PIP5K1A: variants seen among roughly 807,000 people sequenced by gnomAD.
The protein encoded by PIP5K1A is phosphatidylinositol 4-phosphate 5-kinase type-1 alpha.
Under a neutral mutation model 72.9 loss-of-function variants are expected in PIP5K1A, and 46 were observed. That is an observed-to-expected ratio of 0.63 (90% CI 0.50 to 0.81). The LOEUF (loss-of-function observed/expected upper bound fraction) is 0.81, where lower values mean the gene tolerates loss of function less well. Ranked by LOEUF, PIP5K1A falls within the 30% of genes least tolerant of loss-of-function variation. PIP5K1A has a pLI of 0.00. For synonymous variants in PIP5K1A, 228 were observed against 255.1 expected (o/e 0.89, Z 1.01); for missense variants, 458 against 706.1 (o/e 0.65, Z 3.98).
intron 1 of PIP5K1A, among the ~76,000 whole-genome samples, chr1:151,209,596 TA>T (rs1447381541): frequency 1.3e-5 from 2 of 152,120 alleles, no homozygotes; most frequent in Non-Finnish European, 2.9e-5. Context: ...TGCGCCACCA[TA>T]CCTGGCTAAT....
chr1:151,196,679 G>T (rs1684577776), upstream of PIP5K1A, among the ~76,000 whole-genome samples: 1 of 137,540 alleles, frequency 7.3e-6, no homozygotes, highest in Non-Finnish European at 1.6e-5. Context: ...CTCAGCCTCC[G>T]GCGTAGCGAG....
intron 1 of PIP5K1A, among the ~76,000 whole-genome samples, chr1:151,216,789 A>T (rs587694403): frequency 9.2e-5 from 14 of 152,284 alleles, no homozygotes; most frequent in Middle Eastern, 3.4e-3. Context: ...TTGAATTCTC[A>T]TAACAACCTT....
intron 4 of PIP5K1A, among the ~76,000 whole-genome samples, chr1:151,231,359 T>C (rs745493341): frequency 4.6e-5 from 7 of 152,176 alleles, no homozygotes; most frequent in Non-Finnish European, 1.0e-4. Context: ...ACAATGTATC[T>C]TCCAAATACA....
At chr1:151,212,979 C>T (rs184131008) in intron 1 of PIP5K1A, among the ~76,000 whole-genome samples, 2 of 149,922 alleles carry the variant, frequency 1.3e-5, no homozygotes, top group Non-Finnish European at 3.0e-5. Context: ...CAAAGTTCGC[C>T]TCCTGGGTTC....
intron 8 of PIP5K1A, among the ~76,000 whole-genome samples, chr1:151,235,249 G>A (rs112882710): frequency 0.021 from 3,206 of 151,998 alleles, 57 homozygotes; most frequent in Non-Finnish European, 0.03. Context: ...CGCCTGGGTC[G>A]TTTTTGTATT....
Position 151,242,179 on chromosome 1 carries a change from G to C in PIP5K1A, c.1420G>C (p.Gly474Arg). 1 of 1,614,096 alleles carries C rather than the reference G, an allele frequency of 6.2e-7. No homozygotes were observed. Among genetic ancestry groups the C allele is most frequent in the African/African-American group, 1.3e-5 (1 of 75,026 alleles). ...TGGCTCATCTTTCTCTCGGCGAGCA[G>C]GCTCCAGTGGCAACTCCTGCATTAC... ...RSGSSFSRRA[G>R]SSGNSCITYQ... The change falls in exon 13 of 16, where the codon GGC becomes CGC. Residue 474 changes from glycine to arginine, a missense_variant. Physicochemically the swap from Gly to Arg is moderately radical, Grantham distance 125. Transcript: ENST00000368888.
intron 1 of PIP5K1A, among the ~76,000 whole-genome samples, chr1:151,210,711 G>A (rs587720078): frequency 2.0e-5 from 3 of 151,956 alleles, no homozygotes; most frequent in African/African-American, 7.2e-5. Flanking sequence ...TCAGCCTCCC[G>A]AGTAGTCGGG....
rs982527222 is a variant in PIP5K1A at position 151,198,897 on chromosome 1, C to T, written c.-100C>T. 1.7e-6 allele frequency: 2 copies of T among 1,199,934 alleles called. No homozygotes were observed. The highest frequency in any genetic ancestry group is 3.6e-5 in the Admixed American group (2 of 55,620). The allele number at this position is 1,199,934 out of a possible 1,614,324, so 74.3% of individuals were successfully genotyped here. On this transcript the variant is annotated 5_prime_UTR_variant, in exon 1 of 16. It adds an upstream start codon to the 5' untranslated region. Coordinates refer to ENST00000368888, the MANE Select transcript of PIP5K1A (RefSeq NM_001135638.2). ...GGGGGCGGGGAGGTGGCCCACAGAA[C>T]GCGGGTTCTGTAAAGAGACGTTGGG... is the stretch of plus-strand genomic sequence containing the variant.
chr1:151,233,810 C>T (rs587656053), intron 7 of PIP5K1A: 3 of 176,576 alleles, frequency 1.7e-5, no homozygotes, highest in African/African-American at 7.1e-5. Context: ...TGGTAATACT[C>T]TCTGCAGCCT....
chr1:151,202,817 G>C (rs1038736563), intron 1 of PIP5K1A, among the ~76,000 whole-genome samples: 1 of 151,074 alleles, frequency 6.6e-6, no homozygotes, highest in African/African-American at 2.4e-5. Context: ...CTGTCGCCCA[G>C]GCTGGAGTGC....
chr1:151,201,556 A>G (rs1164259307), intron 1 of PIP5K1A, among the ~76,000 whole-genome samples: 2 of 151,908 alleles, frequency 1.3e-5, no homozygotes, highest in Non-Finnish European at 2.9e-5. Flanking sequence ...GGGTTTCATC[A>G]TGTCAGCCAG....
chr1:151,200,979 A>G (rs12079399), intron 1 of PIP5K1A, among the ~76,000 whole-genome samples: 2,793 of 152,046 alleles, frequency 0.018, 76 homozygotes, highest in African/African-American at 0.064. Flanking sequence ...ACAGGCGCCC[A>G]CCACCACGCC....
In PIP5K1A at chr1:151,198,555, T is replaced by A; in HGVS notation, c.-442T>A. 1 of 196,156 alleles carries A rather than the reference T, an allele frequency of 5.1e-6. No homozygotes were observed. Among genetic ancestry groups the A allele is most frequent in the South Asian group, 8.0e-5 (1 of 12,520 alleles). 12.2% of individuals were successfully genotyped at this position (196,156 alleles called of 1,614,324 possible). A position where few individuals can be genotyped will look rare whatever the true frequency, so the allele number is the denominator to read the frequency against. Reference sequence around the variant, plus strand: ...TCGGGCGCATGCGCAGTGCTCGGATTTTTTGCTTGGCTACCCGGAGTGAAG... The same window carrying A: ...TCGGGCGCATGCGCAGTGCTCGGATATTTTGCTTGGCTACCCGGAGTGAAG... On this transcript the variant is annotated 5_prime_UTR_variant, in exon 1 of 16. Transcript: ENST00000368888.
intron 9 of PIP5K1A, 80 bp downstream of exon 9, chr1:151,236,843 T>C (rs1203231999): frequency 1.1e-6 from 1 of 936,050 alleles, no homozygotes; most frequent in Non-Finnish European, 1.6e-6. Context: ...TTTTTTTTTT[T>C]AGTTTCACTC....
intron 1 of PIP5K1A, among the ~76,000 whole-genome samples, chr1:151,219,316 G>A (rs926948175): frequency 1.3e-5 from 2 of 151,494 alleles, no homozygotes; most frequent in Non-Finnish European, 2.9e-5. Context: ...AGGAGGCAGA[G>A]GTTGCAGTGA....
chr1:151,229,875 A>G (rs1437468335), intron 4 of PIP5K1A, among the ~76,000 whole-genome samples: 1 of 151,846 alleles, frequency 6.6e-6, no homozygotes, highest in Non-Finnish European at 1.5e-5. Flanking sequence ...CGAGGTCAGG[A>G]GATCGAGATC....
At chr1:151,229,360 C>CTTT (rs587604327) in intron 4 of PIP5K1A, among the ~76,000 whole-genome samples, 2 of 130,764 alleles carry the variant, frequency 1.5e-5, no homozygotes, top group African/African-American at 2.8e-5. Context: ...GCTTATTTAG[C>CTTT]TTTTTTTTTT....
At chr1:151,229,192 AACAG>A (rs1689652298) in intron 4 of PIP5K1A, among the ~76,000 whole-genome samples, 2 of 149,350 alleles carry the variant, frequency 1.3e-5, no homozygotes, top group African/African-American at 4.9e-5. Flanking sequence ...AAAAAAAAAA[AACAG>A]GAAAGAAAGA....
intron 5 of PIP5K1A, among the ~76,000 whole-genome samples, 197 bp downstream of exon 5, chr1:151,231,998 A>G (rs1319295726): frequency 2.0e-5 from 3 of 152,172 alleles, no homozygotes; most frequent in African/African-American, 7.2e-5. Flanking sequence ...CCTCTGTCCT[A>G]TGGATTGACC....
Sources: gnomAD v4.1 joint callset for allele counts (sites outside exome capture counted in the v4.1 genomes callset) on GRCh38, gnomAD v4.1.1 for gene constraint, MANE v1.5 for transcripts, NCBI Gene and HGNC (gene_info 2026-07-23, HGNC 2026-07-21) for gene names.